The following MYOZ2 variants were observed in gnomAD, a reference collection of about 807,000 sequenced individuals.
MYOZ2 encodes myozenin-2.
Under a neutral mutation model 25.4 loss-of-function variants are expected in MYOZ2, and 19 were observed. The ratio of observed to expected loss-of-function variants is 0.75; its 90% confidence interval spans 0.52 to 1.10. MYOZ2 has a LOEUF of 1.10. Ranked by LOEUF, MYOZ2 falls within the 50% of genes least tolerant of loss-of-function variation. MYOZ2 has a pLI of 0.00. For synonymous variants in MYOZ2, 92 were observed against 106.9 expected (o/e 0.86, Z 0.86); for missense variants, 270 against 317.9 (o/e 0.85, Z 1.15).
intron 2 of MYOZ2, among the ~76,000 whole-genome samples, chr4:119,145,361 T>C (rs1331003231): frequency 9.2e-6 from 1 of 108,650 alleles, no homozygotes; most frequent in Non-Finnish European, 2.0e-5. Context: ...TTTTTTTTTT[T>C]TGAGATAGGG....
At chr4:119,137,648 T>C (rs570849317) in intron 2 of MYOZ2, among the ~76,000 whole-genome samples, 2 of 152,216 alleles carry the variant, frequency 1.3e-5, no homozygotes, top group Non-Finnish European at 2.9e-5. Flanking sequence ...TGTTGTTTTC[T>C]ATTTTCTGCA....
chr4:119,142,555 T>G (rs1022640267), intron 2 of MYOZ2, among the ~76,000 whole-genome samples: 4 of 152,140 alleles, frequency 2.6e-5, no homozygotes, highest in Non-Finnish European at 5.9e-5. Flanking sequence ...CCCGGGAAAT[T>G]GTTGCAAAAT....
At chr4:119,179,237 T>C (rs1742139689) in intron 5 of MYOZ2, among the ~76,000 whole-genome samples, 1 of 152,190 alleles carries the variant, frequency 6.6e-6, no homozygotes, top group Non-Finnish European at 1.5e-5. Flanking sequence ...CACACTGGGC[T>C]TCTACTGTTT....
At chr4:119,143,642 C>T (rs770301624) in intron 2 of MYOZ2, among the ~76,000 whole-genome samples, 1 of 152,198 alleles carries the variant, frequency 6.6e-6, no homozygotes, top group Non-Finnish European at 1.5e-5. Flanking sequence ...TCTGCCATTA[C>T]AGCATCACAC....
intron 5 of MYOZ2, among the ~76,000 whole-genome samples, chr4:119,171,798 A>AT (rs948383002): frequency 7.0e-6 from 1 of 143,408 alleles, no homozygotes; most frequent in African/African-American, 2.5e-5. Context: ...TATTTTTCAC[A>AT]TTTTTTCCAA....
chr4:119,162,879 T>A (rs903093693), intron 4 of MYOZ2, among the ~76,000 whole-genome samples: 2 of 152,162 alleles, frequency 1.3e-5, no homozygotes, highest in African/African-American at 4.8e-5. Context: ...AGAAGCAGAA[T>A]ATATTAGAAA....
intron 5 of MYOZ2, among the ~76,000 whole-genome samples, chr4:119,177,423 C>T (rs867731941): frequency 4.6e-5 from 7 of 152,150 alleles, no homozygotes; most frequent in Admixed American, 1.3e-4. Flanking sequence ...CTAGCAAATT[C>T]GGTCTGTGAA....
At chr4:119,150,744 A>C (rs1741428111) in intron 2 of MYOZ2, 128 bp from the exon 3 acceptor site, 2 of 913,620 alleles carry the variant, frequency 2.2e-6, no homozygotes, top group Admixed American at 4.7e-5. Flanking sequence ...ACTGAGGTTT[A>C]GAGAAAATAA....
chr4:119,170,764 A>T (rs1204129095), intron 5 of MYOZ2, among the ~76,000 whole-genome samples: 1 of 152,184 alleles, frequency 6.6e-6, no homozygotes, highest in African/African-American at 2.4e-5. Context: ...GCAATATTGA[A>T]AGAATTCATG....
chr4:119,160,866 G>A (rs1279145722), intron 4 of MYOZ2, among the ~76,000 whole-genome samples: 3 of 151,668 alleles, frequency 2.0e-5, no homozygotes, highest in Admixed American at 2.0e-4. Context: ...CTTTGTGTTG[G>A]AAGTATTCAA....
At chr4:119,148,779 A>AC (rs1741375239) in intron 2 of MYOZ2, among the ~76,000 whole-genome samples, 1 of 140,992 alleles carries the variant, frequency 7.1e-6, no homozygotes, top group Admixed American at 7.3e-5. Context: ...CAAAAAAAAA[A>AC]AAAACCTTTC....
chr4:119,186,968 A>G lies in MYOZ2; in HGVS notation c.*768A>G, dbSNP rs1578374753. On this transcript the variant is annotated 3_prime_UTR_variant, in exon 6 of 6. Coordinates refer to ENST00000307128, the MANE Select transcript of MYOZ2 (RefSeq NM_016599.5). The stretch of plus-strand genomic sequence containing the variant: ...TTCAACTTTATGTGTGCATTCTTAG[A>G]AGAGTAAGAACAAATAAAGTACACC... 1 of 152,176 alleles carries G rather than the reference A, an allele frequency of 6.6e-6. No individual in the cohort carries two copies. Among genetic ancestry groups the G allele is most frequent in the African/African-American group, 2.4e-5 (1 of 41,450 alleles). 9.4% of individuals were successfully genotyped at this position (152,176 alleles called of 1,614,324 possible). A position where few individuals can be genotyped will look rare whatever the true frequency, so the allele number is the denominator to read the frequency against.
intron 3 of MYOZ2, among the ~76,000 whole-genome samples, chr4:119,154,892 A>AC (rs58689464): frequency 0.16 from 23,397 of 148,300 alleles, 2,205 homozygotes; most frequent in South Asian, 0.27. Flanking sequence ...CACACACACA[A>AC]TGCCTTTCTT....
chr4:119,152,963 G>A (rs1741485976), intron 3 of MYOZ2, among the ~76,000 whole-genome samples: 2 of 151,878 alleles, frequency 1.3e-5, no homozygotes, highest in South Asian at 2.1e-4. Flanking sequence ...CTCTCATGGT[G>A]TAATTAAAGG....
intron 4 of MYOZ2, among the ~76,000 whole-genome samples, chr4:119,160,349 G>A (rs180834111): frequency 6.6e-6 from 1 of 151,592 alleles, no homozygotes; most frequent in African/African-American, 2.4e-5. Context: ...AGGAAAGAGA[G>A]AGGACATATG....
intron 5 of MYOZ2, among the ~76,000 whole-genome samples, chr4:119,167,970 T>A (rs1037539059): frequency 7.6e-6 from 1 of 132,340 alleles, no homozygotes; most frequent in African/African-American, 3.5e-5. Context: ...CGGAGATTAA[T>A]GTTTTGTTTT....
intron 5 of MYOZ2, among the ~76,000 whole-genome samples, chr4:119,176,582 CA>C (rs1742077589): frequency 6.6e-6 from 1 of 152,152 alleles, no homozygotes; most frequent in Non-Finnish European, 1.5e-5. Flanking sequence ...TCATCTTGAA[CA>C]TCTGAGATAA....
At chr4:119,142,724 A>T (rs182135143) in intron 2 of MYOZ2, among the ~76,000 whole-genome samples, 2 of 152,350 alleles carry the variant, frequency 1.3e-5, no homozygotes, top group East Asian at 1.9e-4. Flanking sequence ...AAGTATAAAA[A>T]TTTTTAAACA....
At chr4:119,148,487 A>G (rs963706010) in intron 2 of MYOZ2, among the ~76,000 whole-genome samples, 7 of 151,952 alleles carry the variant, frequency 4.6e-5, no homozygotes, top group African/African-American at 1.7e-4. Flanking sequence ...CATGAATGCT[A>G]TATCTTTTAT....
Sources: gnomAD v4.1 joint callset for allele counts (sites outside exome capture counted in the v4.1 genomes callset) on GRCh38, gnomAD v4.1.1 for gene constraint, MANE v1.5 for transcripts, NCBI Gene and HGNC (gene_info 2026-07-23, HGNC 2026-07-21) for gene names.